The following PKIB variants were observed in gnomAD, a reference collection of about 807,000 sequenced individuals.
PKIB encodes the protein PKI-beta.
PKIB carries 2 observed loss-of-function variants against 4.5 expected under a neutral mutation model. That is an observed-to-expected ratio of 0.44 (90% CI 0.18 to 1.39). The LOEUF (loss-of-function observed/expected upper bound fraction) is 1.39. Among genes scored for constraint, PKIB ranks in the 40% most tolerant of loss-of-function variants. The probability of loss-of-function intolerance (pLI) is 0.27; values close to 1 mark genes in which losing one functional copy is unlikely to be tolerated. For synonymous variants in PKIB, 38 were observed against 36.0 expected (o/e 1.06, Z -0.20); for missense variants, 94 against 92.6 (o/e 1.02, Z -0.06).
At chr6:122,682,254 G>A (rs1465130435) in intron 3 of PKIB, among the ~76,000 whole-genome samples, 3 of 152,060 alleles carry the variant, frequency 2.0e-5, no homozygotes, top group Non-Finnish European at 4.4e-5. Context: ...ACAAGACACA[G>A]TTTTGTCAGG....
At chr6:122,716,044 A>T (rs1244526036) in intron 3 of PKIB, among the ~76,000 whole-genome samples, 1 of 152,196 alleles carries the variant, frequency 6.6e-6, no homozygotes, top group Non-Finnish European at 1.5e-5. Flanking sequence ...TTGAATAAAA[A>T]TGCTGGTTTT....
intron 2 of PKIB, among the ~76,000 whole-genome samples, chr6:122,484,313 T>C (rs1775704655): frequency 6.6e-6 from 1 of 152,152 alleles, no homozygotes; most frequent in Admixed American, 6.5e-5. Context: ...CCAACCAAAT[T>C]GTATAAAATA....
intron 3 of PKIB, among the ~76,000 whole-genome samples, chr6:122,705,398 T>C (rs1172620545): frequency 6.6e-6 from 1 of 152,166 alleles, no homozygotes; most frequent in African/African-American, 2.4e-5. Flanking sequence ...CTTTACTTTT[T>C]CCTTTCTTTT....
intron 1 of PKIB, among the ~76,000 whole-genome samples, chr6:122,629,289 C>T (rs1458747519): frequency 6.6e-6 from 1 of 152,144 alleles, no homozygotes; most frequent in Non-Finnish European, 1.5e-5. Context: ...AGGAAAAGTA[C>T]TACAGGCGCC....
Position 122,557,902 on chromosome 6 carries a change from T to C in PKIB, c.-247-28019T>C, listed in dbSNP as rs116837434. On this transcript the variant is annotated intron_variant, in intron 2 of 6. Coordinates refer to the PKIB transcript ENST00000392491. ...ATTGGGTAAGGTCTGATTTTTACAATGTATCCCTTACCCCGTTGCACTTAT... is the reference window on the plus strand; with the variant it reads ...ATTGGGTAAGGTCTGATTTTTACAACGTATCCCTTACCCCGTTGCACTTAT... Among the ~76,000 whole-genome samples, 1,436 of 152,298 alleles carry C rather than the reference T, an allele frequency of 9.4e-3. 29 individuals are homozygous for C. Among genetic ancestry groups the C allele is most frequent in the African/African-American group, 0.031 (1,307 of 41,570 alleles).
At chr6:122,671,127 A>AC (rs1357744908) in intron 2 of PKIB, among the ~76,000 whole-genome samples, 1 of 152,076 alleles carries the variant, frequency 6.6e-6, no homozygotes, top group Non-Finnish European at 1.5e-5. Context: ...CCCTGTCTCT[A>AC]CTAAAAATAC....
At chr6:122,503,846 G>A (rs1329490911) in intron 2 of PKIB, among the ~76,000 whole-genome samples, 2 of 152,168 alleles carry the variant, frequency 1.3e-5, no homozygotes, top group Non-Finnish European at 2.9e-5. Context: ...CAAATAAAAT[G>A]TAGGAGAGAG....
chr6:122,476,436 G>A (rs1320864600), intron 1 of PKIB, among the ~76,000 whole-genome samples: 1 of 152,082 alleles, frequency 6.6e-6, no homozygotes, highest in African/African-American at 2.4e-5. Context: ...TCAAAACTAA[G>A]ATACAGTGTC....
intron 2 of PKIB, among the ~76,000 whole-genome samples, chr6:122,507,560 A>G (rs536275213): frequency 6.7e-6 from 1 of 149,672 alleles, no homozygotes; most frequent in African/African-American, 2.5e-5. Flanking sequence ...TTTGTTTTCA[A>G]GCTGGTGGGC....
At chr6:122,650,516 T>A (rs549463591) in intron 2 of PKIB, among the ~76,000 whole-genome samples, 75 of 152,284 alleles carry the variant, frequency 4.9e-4, no homozygotes, top group Non-Finnish European at 9.0e-4. Flanking sequence ...ATTCCAAAGG[T>A]CTCCACAAGT....
At chr6:122,556,739 C>T (rs2114664941) in intron 2 of PKIB, among the ~76,000 whole-genome samples, 1 of 152,264 alleles carries the variant, frequency 6.6e-6, no homozygotes, top group Admixed American at 6.5e-5. Flanking sequence ...AAACTCTCCT[C>T]CTTTTGAAAA....
chr6:122,545,723 A>C (rs1772472704), intron 2 of PKIB, among the ~76,000 whole-genome samples: 1 of 150,910 alleles, frequency 6.6e-6, no homozygotes, highest in Admixed American at 6.6e-5. Context: ...TAATCTGTAC[A>C]CCAAACCCCT....
chr6:122,571,263 C>A (rs1362479260), intron 2 of PKIB, among the ~76,000 whole-genome samples: 1 of 152,000 alleles, frequency 6.6e-6, no homozygotes, highest in Non-Finnish European at 1.5e-5. Context: ...TGTAAAATGG[C>A]CAAACCTAAG....
intron 2 of PKIB, among the ~76,000 whole-genome samples, chr6:122,655,584 GCCCAC>G (rs1776741662): frequency 6.6e-6 from 1 of 152,104 alleles, no homozygotes; most frequent in African/African-American, 2.4e-5. Flanking sequence ...TTTATAAGCT[GCCCAC>G]TCTATGGGAT....
intron 3 of PKIB, among the ~76,000 whole-genome samples, chr6:122,692,586 G>A (rs1778400613): frequency 2.6e-5 from 4 of 152,162 alleles, no homozygotes; most frequent in Admixed American, 2.6e-4. Flanking sequence ...TCAGGGCAGT[G>A]GGCTCCCATC....
At chr6:122,633,671 A>T (rs557711136) in intron 2 of PKIB, among the ~76,000 whole-genome samples, 1 of 152,292 alleles carries the variant, frequency 6.6e-6, no homozygotes, top group African/African-American at 2.4e-5. Context: ...AATGGTTCTT[A>T]TAGAGGCAGC....
At chr6:122,479,735 A>G (rs1027759286) in intron 2 of PKIB, 8 of 152,158 alleles carry the variant, frequency 5.3e-5, no homozygotes, top group African/African-American at 1.9e-4. Flanking sequence ...CATCAGAGAC[A>G]CTCAAAATTG....
chr6:122,497,541 G>A (rs147905453), intron 2 of PKIB, among the ~76,000 whole-genome samples: 1 of 152,120 alleles, frequency 6.6e-6, no homozygotes, highest in East Asian at 1.9e-4. Context: ...TCATGTAAGT[G>A]GAAAACTAAA....
chr6:122,673,451 G>A (rs1472818999), intron 2 of PKIB, among the ~76,000 whole-genome samples: 2 of 152,042 alleles, frequency 1.3e-5, no homozygotes, highest in African/African-American at 2.4e-5. Flanking sequence ...GCTACTTACT[G>A]TATCATCATT....
Sources: allele counts gnomAD v4.1 joint callset (sites outside exome capture counted in the v4.1 genomes callset), GRCh38; gene constraint gnomAD v4.1.1; transcripts MANE v1.5; gene names NCBI Gene and HGNC (gene_info 2026-07-23, HGNC 2026-07-21).